Variants in L2HGDH observed in about 807,000 individuals in gnomAD.
L2HGDH encodes L-2-hydroxyglutarate dehydrogenase.
Under a neutral mutation model 51.5 loss-of-function variants are expected in L2HGDH, and 34 were observed. That is an observed-to-expected ratio of 0.66 (90% CI 0.50 to 0.88). The LOEUF (loss-of-function observed/expected upper bound fraction) is 0.88, where lower values mean the gene tolerates loss of function less well. Ranked by LOEUF, L2HGDH falls within the 40% of genes least tolerant of loss-of-function variation. The pLI is 0.00. For missense variants in L2HGDH, 558 were observed against 571.9 expected (o/e 0.98, Z 0.25); for synonymous variants, 198 against 197.9 (o/e 1.00, Z -0.01).
At chr14:50,305,135 T>C (rs1169175088) in intron 1 of L2HGDH, among the ~76,000 whole-genome samples, 1 of 152,202 alleles carries the variant, frequency 6.6e-6, no homozygotes, top group African/African-American at 2.4e-5. Flanking sequence ...AATCAAATCC[T>C]GCATCTTAAA....
intron 2 of L2HGDH, among the ~76,000 whole-genome samples, chr14:50,302,421 C>A (rs1477913445): frequency 6.6e-6 from 1 of 152,164 alleles, no homozygotes; most frequent in East Asian, 1.9e-4. Context: ...ACTTCAGGGG[C>A]CCCCTAGGGC....
rs369500571 is a variant in L2HGDH, at chr14:50,291,424, T to G, written c.540+2691A>C. On this transcript the variant is annotated intron_variant, in intron 4 of 9. Coordinates refer to ENST00000267436, the MANE Select transcript of L2HGDH (RefSeq NM_024884.3). ...TCACTAATTCACTATCTCAGAGAGA[T>G]AAGAAATATTTGAGGAGAGAAATGG... 2.6e-3 allele frequency among the ~76,000 whole-genome samples: 396 copies of G among 152,122 alleles called. 5 individuals carry two copies. The highest frequency in any genetic ancestry group is 0.016 in the Admixed American group (247 of 15,264).
intron 4 of L2HGDH, among the ~76,000 whole-genome samples, chr14:50,293,585 A>G (rs1371678829): frequency 6.6e-6 from 1 of 152,140 alleles, no homozygotes; most frequent in Non-Finnish European, 1.5e-5. Flanking sequence ...ATCTGAAGAC[A>G]ATATTAAGAA....
rs2030445937 is a variant in L2HGDH at position 50,302,103 on chromosome 14, G to C, written c.322C>G (p.Leu108Val). 1 of 1,614,108 alleles carries C rather than the reference G, an allele frequency of 6.2e-7. No individual in the cohort carries two copies. Among genetic ancestry groups the C allele is most frequent in the South Asian group, 1.1e-5 (1 of 91,088 alleles). Residue 108 changes from leucine to valine, a missense_variant, in exon 3 of 10, where the codon CTG becomes GTG. Physicochemically the swap from Leu to Val is conservative, Grantham distance 32 (BLOSUM62 1). This residue lies in a region of L2HGDH where 194 missense variants were observed against 187.2 expected (regional missense o/e 1.04). Coordinates refer to ENST00000267436, the MANE Select transcript of L2HGDH (RefSeq NM_024884.3). ...CCTTGTACACATAATTTGGCTTTCA[G>C]AGACTCAGGTTTATAATAAATTCCA... is the stretch of plus-strand genomic sequence containing the variant. ...HSGIYYKPES[L>V]KAKLCVQGAA...
intron 9 of L2HGDH, among the ~76,000 whole-genome samples, chr14:50,258,691 T>G (rs985832528): frequency 3.9e-5 from 6 of 151,916 alleles, no homozygotes; most frequent in Non-Finnish European, 8.8e-5. Flanking sequence ...TTTTTAAATT[T>G]TTGGTATAGA....
chr14:50,253,666 C>A (rs1888492539), intron 9 of L2HGDH, among the ~76,000 whole-genome samples: 1 of 152,118 alleles, frequency 6.6e-6, no homozygotes, highest in Admixed American at 6.6e-5. Context: ...CATGATCCAG[C>A]AATCCCACTG....
At chr14:50,263,957 T>C (rs562205831) in intron 9 of L2HGDH, among the ~76,000 whole-genome samples, 1 of 151,308 alleles carries the variant, frequency 6.6e-6, no homozygotes, top group Non-Finnish European at 1.5e-5. Context: ...GTATTTTTAA[T>C]AGAGACAAGG....
In L2HGDH at chr14:50,312,152, C is replaced by T. The variant is rs1184292860; in HGVS notation, c.-2G>A. On this transcript the variant is annotated 5_prime_UTR_variant, in exon 1 of 10. Transcript: ENST00000267436. ...CAAATAACGCAGCGCTGGCACCATC[C>T]CCTACGCACGCTCCCCTCCCTCAGC... 1.2e-6 allele frequency: 2 copies of T among 1,609,908 alleles called. No homozygotes were observed. Among genetic ancestry groups the T allele is most frequent in the Non-Finnish European group, 1.7e-6 (2 of 1,179,268 alleles).
rs1295246630 is a variant in L2HGDH, at chr14:50,242,653, G to A, written c.*4405C>T. ...TACAAACTATTTGAAAACATCTCGA[G>A]GCAGCTTTTGCTTTCCCAACCATTT... On this transcript the variant is annotated 3_prime_UTR_variant, in exon 10 of 10. Transcript: ENST00000267436. 2.1e-5 allele frequency: 21 copies of A among 985,350 alleles called. No individual in the cohort carries two copies. Among genetic ancestry groups the A allele is most frequent in the Non-Finnish European group, 2.5e-5 (21 of 829,926 alleles). The allele number at this position is 985,350 out of a possible 1,614,324, so 61.0% of individuals were successfully genotyped here. A position where few individuals can be genotyped will look rare whatever the true frequency, so the allele number is the denominator to read the frequency against.
intron 9 of L2HGDH, among the ~76,000 whole-genome samples, chr14:50,255,162 A>G (rs775282003): frequency 7.9e-5 from 12 of 152,246 alleles, no homozygotes; most frequent in South Asian, 4.1e-4. Context: ...TCAAGCACTT[A>G]AGGCAACTTC....
At chr14:50,296,121 T>C (rs909334647) in intron 3 of L2HGDH, among the ~76,000 whole-genome samples, 2 of 151,932 alleles carry the variant, frequency 1.3e-5, no homozygotes, top group African/African-American at 4.8e-5. Context: ...CCTGTAATCC[T>C]AGCACTCTGG....
chr14:50,293,990 C>G, intron 4 of L2HGDH, 125 bp downstream of exon 4: 1 of 1,141,006 alleles, frequency 8.8e-7, no homozygotes, highest in Non-Finnish European at 1.3e-6. Context: ...TCTGTCACTT[C>G]ACTACTTCTG....
At chr14:50,296,727 C>T (rs80081664) in intron 3 of L2HGDH, among the ~76,000 whole-genome samples, 1,580 of 152,072 alleles carry the variant, frequency 0.01, 20 homozygotes, top group Non-Finnish European at 0.016. Flanking sequence ...CCAACTAATT[C>T]TGTGAGGCCA....
intron 9 of L2HGDH, among the ~76,000 whole-genome samples, chr14:50,252,688 AAAG>A (rs895497717): frequency 4.6e-5 from 7 of 152,246 alleles, no homozygotes; most frequent in Admixed American, 6.5e-5. Flanking sequence ...AAGAAGAGAC[AAAG>A]AAGATTATTA....
chr14:50,276,460 G>T (rs1889984082), intron 6 of L2HGDH, among the ~76,000 whole-genome samples: 1 of 105,446 alleles, frequency 9.5e-6, no homozygotes. Flanking sequence ...AGATTGAATT[G>T]TGCCCCCCCC....
At chr14:50,255,653 T>C (rs1888625164) in intron 9 of L2HGDH, among the ~76,000 whole-genome samples, 1 of 152,124 alleles carries the variant, frequency 6.6e-6, no homozygotes, top group African/African-American at 2.4e-5. Flanking sequence ...TGTGCAGATC[T>C]GTGTCTTGCA....
At position 50,269,172 on chromosome 14, in the gene L2HGDH, A is replaced by G. The variant is rs1428429042; in HGVS notation, c.897T>C (p.Asn299=). The stretch of plus-strand genomic sequence containing the variant: ...AAGCATCATTACCTACCGGATAAAT[A>G]TTTCCTTTTACAAGATAACATTTTT... ...KPEKCYLVKG[N]IYPVPDSRFP... The change falls in exon 7 of 10, where the codon AAT becomes AAC. Residue 299 remains asparagine, a synonymous_variant. Coordinates refer to ENST00000267436, the MANE Select transcript of L2HGDH (RefSeq NM_024884.3). The G allele has an allele frequency of 6.2e-7, 1 of 1,613,868 alleles. No individual in the cohort carries two copies. The highest frequency in any genetic ancestry group is 8.5e-7 in the Non-Finnish European group (1 of 1,179,832).
chr14:50,302,387 C>T, intron 2 of L2HGDH, among the ~76,000 whole-genome samples: 1 of 152,190 alleles, frequency 6.6e-6, no homozygotes, highest in East Asian at 1.9e-4. Context: ...GGTGCACAAA[C>T]TCACCTCTCA....
intron 5 of L2HGDH, among the ~76,000 whole-genome samples, chr14:50,282,811 T>C (rs1890346476): frequency 6.6e-6 from 1 of 151,902 alleles, no homozygotes. Flanking sequence ...GGAGGTCAAG[T>C]GGGCAGATCA....
Sources: gnomAD v4.1 joint callset for allele counts (sites outside exome capture counted in the v4.1 genomes callset) on GRCh38, gnomAD v4.1.1 for gene constraint, gnomAD v4.1.1 regional missense constraint, MANE v1.5 for transcripts, NCBI Gene and HGNC (gene_info 2026-07-23, HGNC 2026-07-21) for gene names.